ZNF354A: variants seen among roughly 807,000 people sequenced by gnomAD.
ZNF354A encodes epididymis luminal protein 104.
Under a neutral mutation model 53.3 loss-of-function variants are expected in ZNF354A, and 25 were observed. The ratio of observed to expected loss-of-function variants is 0.47; its 90% confidence interval spans 0.34 to 0.66. The LOEUF (loss-of-function observed/expected upper bound fraction) is 0.66, where lower values mean the gene tolerates loss of function less well. Among genes scored for constraint, ZNF354A ranks in the 30% least tolerant of loss-of-function variants. The pLI, the probability that ZNF354A is intolerant of heterozygous loss-of-function variation, is 0.01. For synonymous variants in ZNF354A, 228 were observed against 249.0 expected (o/e 0.92, Z 0.79); for missense variants, 586 against 716.8 (o/e 0.82, Z 2.08).
At chr5:178,729,988 C>G (rs998830229) in intron 1 of ZNF354A, among the ~76,000 whole-genome samples, 15 of 152,064 alleles carry the variant, frequency 9.9e-5, no homozygotes, top group Non-Finnish European at 1.6e-4. Flanking sequence ...CTCGGCCTCA[C>G]AAGTAGCTGG....
At chr5:178,719,157 G>A (rs1765764183) in intron 4 of ZNF354A, among the ~76,000 whole-genome samples, 1 of 152,092 alleles carries the variant, frequency 6.6e-6, no homozygotes, top group Non-Finnish European at 1.5e-5. Context: ...CATTGGTCAC[G>A]CCTTACTTTA....
Position 178,712,261 on chromosome 5 carries a change from C to T in ZNF354A, c.1617G>A (p.Gln539=), listed in dbSNP as rs1455444779. ...TTTCTCCTGTATGAATCCTTCGATG[C>T]TGAATAAGAGCTGAACTTTGGCCAA... ...ISFGQSSALI[Q]HRRIHTGEKP... Residue 539 remains glutamine, a synonymous_variant, in exon 5 of 5, where the codon CAG becomes CAA. Transcript: ENST00000335815. The T allele has an allele frequency of 2.5e-6, 4 of 1,613,964 alleles. No individual in the cohort carries two copies. Among genetic ancestry groups the T allele is most frequent in the Non-Finnish European group, 3.4e-6 (4 of 1,179,942 alleles).
chr5:178,712,226 T>C lies in ZNF354A; in HGVS notation c.1652A>G (p.Lys551Arg), dbSNP rs1426224140. ...RRIHTGEKPF[K>R]CNTCGKTFRQ... ...AAAAGTTTTTCCACATGTATTACAT[T>C]TAAAGGGTTTTTCTCCTGTATGAAT... Residue 551 changes from lysine (K) to arginine (R), a missense_variant, in exon 5 of 5, where the codon AAA becomes AGA. By Grantham distance (26) the Lys-to-Arg change is conservative. Coordinates refer to ENST00000335815, the MANE Select transcript of ZNF354A (RefSeq NM_005649.3). 16 of 1,614,072 alleles carry C rather than the reference T, an allele frequency of 9.9e-6. No homozygotes were observed. Among genetic ancestry groups the C allele is most frequent in the Non-Finnish European group, 1.4e-5 (16 of 1,179,976 alleles).
Position 178,712,074 on chromosome 5 carries a change from C to G in ZNF354A, c.1804G>C (p.Glu602Gln). 1 of 1,593,032 alleles carries G rather than the reference C, an allele frequency of 6.3e-7. No homozygotes were observed. Among genetic ancestry groups the G allele is most frequent in the Non-Finnish European group, 8.6e-7 (1 of 1,169,464 alleles). ...SLTNHYKIHI[E>Q]EDP The stretch of plus-strand genomic sequence containing the variant: ...AAATCTACTTTCTAGGGGTCCTCTT[C>G]GATATGAATTTTATAATGATTAGTA... Residue 602 changes from glutamate to glutamine, a missense_variant, in exon 5 of 5, where the codon GAA becomes CAA. Coordinates refer to ENST00000335815, the MANE Select transcript of ZNF354A (RefSeq NM_005649.3).
intron 4 of ZNF354A, among the ~76,000 whole-genome samples, chr5:178,723,801 A>C: frequency 4.8e-5 from 7 of 145,572 alleles, no homozygotes; most frequent in Admixed American, 1.4e-4. Flanking sequence ...GAGCCCCCCC[A>C]GTTCAACCAC....
At chr5:178,714,057 A>C (rs533985045) in intron 4 of ZNF354A, among the ~76,000 whole-genome samples, 2 of 151,196 alleles carry the variant, frequency 1.3e-5, no homozygotes, top group Admixed American at 6.6e-5. Flanking sequence ...CCCAGGCTCG[A>C]GTGCAGTGGC....
chr5:178,726,320 T>TC (rs938788399), intron 3 of ZNF354A: 5 of 398,688 alleles, frequency 1.3e-5, no homozygotes, highest in Non-Finnish European at 2.6e-5. Flanking sequence ...ACGTGGCTTT[T>TC]TTTTTTTTGA....
Position 178,712,185 on chromosome 5 carries a change from G to T in ZNF354A, c.1693C>A (p.Arg565Ser), listed in dbSNP as rs754398741. The change falls in exon 5 of 5, where the codon CGT becomes AGT. Residue 565 changes from arginine to serine, a missense_variant. Physicochemically the swap from Arg to Ser is moderately radical, Grantham distance 110. Coordinates refer to ENST00000335815, the MANE Select transcript of ZNF354A (RefSeq NM_005649.3). ...CGKTFRQSSS[R>S]IAHQRIHTGE... ...GTATGAATTCTCTGATGTGCAATAC[G>T]TGATGAGCTTTGTCTAAAAGTTTTT... is the stretch of plus-strand genomic sequence containing the variant. 8 of 1,614,088 alleles carry T rather than the reference G, an allele frequency of 5.0e-6. No homozygotes were observed. Among genetic ancestry groups the T allele is most frequent in the Non-Finnish European group, 6.8e-6 (8 of 1,180,002 alleles).
At chr5:178,722,426 G>A (rs1362249994) in intron 4 of ZNF354A, among the ~76,000 whole-genome samples, 1 of 152,150 alleles carries the variant, frequency 6.6e-6, no homozygotes, top group Admixed American at 6.5e-5. Context: ...TCCTTCTAGT[G>A]TTCCTATCTC....
At chr5:178,713,839 A>T (rs1017503869) in intron 4 of ZNF354A, among the ~76,000 whole-genome samples, 17 of 152,204 alleles carry the variant, frequency 1.1e-4, no homozygotes, top group African/African-American at 4.1e-4. Context: ...AAAATAAAGC[A>T]AACCCATTTA....
In ZNF354A at chr5:178,711,724, C is replaced by T. The variant is rs185148166; in HGVS notation, c.*336G>A. ...CTAATGAGAAATCTAAAGCACACCT[C>T]CCCACCCACTCGGATATCTGTTTCT... is the stretch of plus-strand genomic sequence containing the variant. On this transcript the variant is annotated 3_prime_UTR_variant, in exon 5 of 5. Coordinates refer to ENST00000335815, the MANE Select transcript of ZNF354A (RefSeq NM_005649.3). 1.0e-3 allele frequency: 197 copies of T among 188,758 alleles called. No individual in the cohort carries two copies. The highest frequency in any genetic ancestry group is 3.3e-3 in the Admixed American group (61 of 18,538). 11.7% of individuals were successfully genotyped at this position (188,758 alleles called of 1,614,324 possible).
In ZNF354A at chr5:178,712,337, C is replaced by G. The variant is rs1158705126; in HGVS notation, c.1541G>C (p.Arg514Thr). Reference protein sequence around the residue: ...RCNSSLSNHQRIHTGEKPYRC... With the variant: ...RCNSSLSNHQTIHTGEKPYRC... ...ATATGGTTTCTCTCCAGTATGAATT[C>G]TCTGGTGATTACTAAGTGATGAGTT... Residue 514 changes from arginine to threonine, a missense_variant, in exon 5 of 5, where the codon AGA becomes ACA. Physicochemically the swap from Arg to Thr is moderately conservative, Grantham distance 71. Coordinates refer to ENST00000335815, the MANE Select transcript of ZNF354A (RefSeq NM_005649.3). 1 of 1,613,968 alleles carries G rather than the reference C, an allele frequency of 6.2e-7. No individual in the cohort carries two copies. Among genetic ancestry groups the G allele is most frequent in the Non-Finnish European group, 8.5e-7 (1 of 1,179,998 alleles).
intron 4 of ZNF354A, among the ~76,000 whole-genome samples, chr5:178,713,900 A>G (rs1180495675): frequency 6.6e-6 from 1 of 152,152 alleles, no homozygotes; most frequent in Non-Finnish European, 1.5e-5. Context: ...AGAACAGAGA[A>G]AAGGGTTATA....
At chr5:178,724,315 C>G (rs1490474352) in intron 4 of ZNF354A, among the ~76,000 whole-genome samples, 2 of 152,008 alleles carry the variant, frequency 1.3e-5, no homozygotes, top group South Asian at 4.2e-4. Context: ...ACCTCCGCCT[C>G]CCGGGTTCAA....
intron 2 of ZNF354A, among the ~76,000 whole-genome samples, chr5:178,728,669 A>C (rs112882624): frequency 0.23 from 34,835 of 149,552 alleles, 4,936 homozygotes; most frequent in South Asian, 0.33. Flanking sequence ...TGATGGCGGG[A>C]GCCTGTAATC....
At chr5:178,727,884 CTT>C (rs1406244044) in intron 2 of ZNF354A, among the ~76,000 whole-genome samples, 1 of 151,738 alleles carries the variant, frequency 6.6e-6, no homozygotes, top group Non-Finnish European at 1.5e-5. Flanking sequence ...GAGTTTGGCT[CTT>C]GTTGCCTAGG....
intron 4 of ZNF354A, among the ~76,000 whole-genome samples, chr5:178,722,313 C>T (rs911998291): frequency 6.6e-6 from 1 of 152,180 alleles, no homozygotes; most frequent in African/African-American, 2.4e-5. Flanking sequence ...AGGTACTGTA[C>T]TCCGAAATCA....
intron 3 of ZNF354A, among the ~76,000 whole-genome samples, chr5:178,725,780 T>C (rs565101646): frequency 3.7e-4 from 56 of 152,196 alleles, no homozygotes; most frequent in Non-Finnish European, 6.2e-4. Flanking sequence ...GATTAGAATT[T>C]CTAAGTAGGT....
rs190535788 is a variant in ZNF354A at position 178,730,147 on chromosome 5, G to A, written c.-52+409C>T. On this transcript the variant is annotated intron_variant, in intron 1 of 4. Coordinates refer to ENST00000335815, the MANE Select transcript of ZNF354A (RefSeq NM_005649.3). ...CCCAAAGTGCTGGGATTACAGGCGT[G>A]AGCCACCGCGCCCGGCCAAACACCA... 6.3e-4 allele frequency among the ~76,000 whole-genome samples: 96 copies of A among 152,298 alleles called. 1 individual carries two copies. Among genetic ancestry groups the A allele is most frequent in the African/African-American group, 2.3e-3 (96 of 41,584 alleles).
Sources: gnomAD v4.1 joint callset for allele counts (sites outside exome capture counted in the v4.1 genomes callset) on GRCh38, gnomAD v4.1.1 for gene constraint, MANE v1.5 for transcripts, NCBI Gene and HGNC (gene_info 2026-07-23, HGNC 2026-07-21) for gene names.